PAIP1: variants seen among roughly 807,000 people sequenced by gnomAD.
PAIP1 encodes poly(A) binding protein interacting protein 1.
In PAIP1, 16 loss-of-function variants were observed where a neutral mutation model predicts 61.3. The ratio of observed to expected loss-of-function variants is 0.26; its 90% CI spans 0.18 to 0.40. The LOEUF (loss-of-function observed/expected upper bound fraction) is 0.40. PAIP1 is among the 10% of genes least tolerant of loss of function. The probability of loss-of-function intolerance (pLI) is 1.00; values close to 1 mark genes in which losing one functional copy is unlikely to be tolerated. For synonymous variants in PAIP1, 187 were observed against 226.2 expected (o/e 0.83, Z 1.56); for missense variants, 416 against 600.9 (o/e 0.69, Z 3.22).
chr5:43,538,550 G>A (rs1747249899), intron 5 of PAIP1, among the ~76,000 whole-genome samples: 1 of 152,260 alleles, frequency 6.6e-6, no homozygotes, highest in Non-Finnish European at 1.5e-5. Flanking sequence ...TCAGAGTTCT[G>A]CAGAGTAAAC....
At chr5:43,535,471 A>C in intron 7 of PAIP1, 63 bp downstream of exon 7, 3 of 894,380 alleles carry the variant, frequency 3.4e-6, no homozygotes, top group Non-Finnish European at 3.7e-6. Flanking sequence ...ATTAAAAAAC[A>C]ATCTCCAAAG....
intron 2 of PAIP1, among the ~76,000 whole-genome samples, chr5:43,549,743 G>A (rs1392133152): frequency 6.7e-6 from 1 of 149,950 alleles, no homozygotes; most frequent in African/African-American, 2.5e-5. Context: ...TTTTTGAGAT[G>A]GAGTCTCGCT....
At chr5:43,556,424 C>T in intron 1 of PAIP1, 158 bp downstream of exon 1, 2 of 1,219,012 alleles carry the variant, frequency 1.6e-6, no homozygotes, top group Non-Finnish European at 2.0e-6. Context: ...AAACCCGGTT[C>T]CGGGCCCGTC....
At chr5:43,536,153 T>C (rs1747145310) in intron 6 of PAIP1, among the ~76,000 whole-genome samples, 1 of 152,194 alleles carries the variant, frequency 6.6e-6, no homozygotes, top group Non-Finnish European at 1.5e-5. Flanking sequence ...ACTATAAGGA[T>C]GTAGGAAGAG....
At position 43,538,983 on chromosome 5, in the gene PAIP1, T is replaced by C; in HGVS notation, c.787A>G (p.Thr263Ala). The change falls in exon 5 of 11, where the codon ACT (threonine) becomes GCT (alanine). Residue 263 changes from threonine to alanine, a missense_variant. Transcript: ENST00000306846. ...ACAAATGCATGAAATCGTTTTCGAG[T>C]AACTTCATCCCCTTTTGCAGCTTGA... ...KDQAAKGDEV[T>A]RKRFHAFVLF... is the part of the protein sequence containing the mutation. The C allele has an allele frequency of 1.9e-6, 3 of 1,612,014 alleles. No homozygotes were observed. Among genetic ancestry groups the C allele is most frequent in the Non-Finnish European group, 2.5e-6 (3 of 1,178,914 alleles).
In PAIP1 at chr5:43,551,737, T is replaced by C. The variant is rs192264837; in HGVS notation, c.436-3824A>G. On this transcript the variant is annotated intron_variant, in intron 2 of 10. Coordinates refer to ENST00000306846, the MANE Select transcript of PAIP1 (RefSeq NM_006451.5). ...GCAAAAATGCTGCTTAGAGCGCTGATTTGCAATCTTTTTTTTTTTTTTTTT... is the reference window on the plus strand; with the variant it reads ...GCAAAAATGCTGCTTAGAGCGCTGACTTGCAATCTTTTTTTTTTTTTTTTT... Among the ~76,000 whole-genome samples, 1,016 of 126,254 alleles carry C rather than the reference T, an allele frequency of 8.0e-3. 43 individuals are homozygous for C. Among genetic ancestry groups the C allele is most frequent in the Admixed American group, 0.074 (953 of 12,862 alleles). The allele number at this position is 126,254 out of a possible 152,430, so 82.8% of individuals were successfully genotyped here.
chr5:43,544,670 G>A (rs1036697137), intron 3 of PAIP1, among the ~76,000 whole-genome samples: 33 of 152,150 alleles, frequency 2.2e-4, no homozygotes, highest in African/African-American at 7.7e-4. Context: ...CAGAAAATAT[G>A]AGTGTCCACA....
intron 2 of PAIP1, among the ~76,000 whole-genome samples, chr5:43,551,745 CT>C (rs10640960): frequency 0.064 from 9,135 of 142,882 alleles, 328 homozygotes; most frequent in East Asian, 0.15. Flanking sequence ...GATTTGCAAT[CT>C]TTTTTTTTTT....
At chr5:43,542,405 G>A (rs1463285231) in intron 4 of PAIP1, among the ~76,000 whole-genome samples, 1 of 151,094 alleles carries the variant, frequency 6.6e-6, no homozygotes, top group African/African-American at 2.4e-5. Flanking sequence ...GGTGGCGGGT[G>A]CCTGTAGTCC....
At chr5:43,539,765 C>T (rs1409283797) in intron 4 of PAIP1, among the ~76,000 whole-genome samples, 5 of 152,270 alleles carry the variant, frequency 3.3e-5, no homozygotes, top group South Asian at 4.1e-4. Flanking sequence ...ATAGTTCCTA[C>T]AAGGTAACTA....
chr5:43,531,099 G>A (rs955658917), intron 9 of PAIP1, among the ~76,000 whole-genome samples: 5 of 152,066 alleles, frequency 3.3e-5, no homozygotes, highest in African/African-American at 1.2e-4. Flanking sequence ...CCTGGGTTTG[G>A]AATAGGGACA....
chr5:43,535,592 C>G lies in PAIP1; in HGVS notation c.1021G>C (p.Asp341His), dbSNP rs1296216167. 4 of 1,606,328 alleles carry G rather than the reference C, an allele frequency of 2.5e-6. No homozygotes were observed. Among genetic ancestry groups the G allele is most frequent in the Non-Finnish European group, 3.4e-6 (4 of 1,174,114 alleles). The change falls in exon 7 of 11, where the codon GAT (aspartate) becomes CAT (histidine). Residue 341 changes from aspartate to histidine, a missense_variant. By Grantham distance (81) the Asp-to-His change is moderately conservative. Coordinates refer to ENST00000306846, the MANE Select transcript of PAIP1 (RefSeq NM_006451.5). ...EDAWKEKGKM[D>H]MEEIIQRIEN... Reference sequence around the variant, plus strand: ...ATTCTCTGAATAATTTCTTCCATATCCATCTTTCCTTTTTCCTTCCAAGCA... The same window carrying G: ...ATTCTCTGAATAATTTCTTCCATATGCATCTTTCCTTTTTCCTTCCAAGCA...
At chr5:43,545,774 ATT>A (rs761073861) in intron 3 of PAIP1, among the ~76,000 whole-genome samples, 18 of 142,162 alleles carry the variant, frequency 1.3e-4, no homozygotes, top group Non-Finnish European at 1.4e-4. Flanking sequence ...TTAATCTGTC[ATT>A]TTTTTTTTTT....
intron 1 of PAIP1, 95 bp from the exon 2 acceptor site, chr5:43,556,094 T>TA: frequency 6.7e-7 from 1 of 1,487,508 alleles, no homozygotes; most frequent in Non-Finnish European, 9.0e-7. Flanking sequence ...GCGTCTGTTT[T>TA]TAAGAGTTAA....
rs989739305 is a variant in PAIP1 at position 43,536,912 on chromosome 5, T to C, written c.879A>G (p.Ala293=). The C allele has an allele frequency of 5.7e-6, 9 of 1,591,920 alleles. No homozygotes were observed. The Admixed American group carries it at 1.6e-4, about 28-fold the overall frequency. Residue 293 remains alanine, a synonymous_variant, in exon 6 of 11, where the codon GCA becomes GCG. Coordinates refer to ENST00000306846, the MANE Select transcript of PAIP1 (RefSeq NM_006451.5). ...CTCGAAGACCAACCTGAAGAATATC[T>C]GCTCTTGTAACCTGTCCATTTGTTC... ...IKGTNGQVTR[A]DILQVGLREL...
intron 9 of PAIP1, among the ~76,000 whole-genome samples, chr5:43,531,656 C>CAAAAAAAAAAAAAAAA (rs369954867): frequency 9.9e-4 from 59 of 59,850 alleles, no homozygotes; most frequent in Non-Finnish European, 1.4e-3. Context: ...GACTCTGTCT[C>CAAAAAAAAAAAAAAAA]AAAAAAAAAA....
rs148659035 is a variant in PAIP1 at position 43,547,594 on chromosome 5, A to C, written c.621+134T>G. On this transcript the variant is annotated intron_variant, in intron 3 of 10. Coordinates refer to ENST00000306846, the MANE Select transcript of PAIP1 (RefSeq NM_006451.5). The stretch of plus-strand genomic sequence containing the variant: ...TAGGAGTTTTATACAAGACAGACTT[A>C]GAACTCCCGGAAACTATAAAGAGTA... 25 of 618,388 alleles carry C rather than the reference A, an allele frequency of 4.0e-5. No homozygotes were observed. The East Asian group carries it at 6.9e-4, about 17-fold the overall frequency. 38.3% of individuals were successfully genotyped at this position (618,388 alleles called of 1,614,324 possible). A position where few individuals can be genotyped will look rare whatever the true frequency, so the allele number is the denominator to read the frequency against.
chr5:43,556,759 C>A lies in PAIP1; in HGVS notation c.88G>T (p.Gly30Cys). The A allele has an allele frequency of 7.0e-7, 1 of 1,419,040 alleles. No homozygotes were observed. Among genetic ancestry groups the A allele is most frequent in the Non-Finnish European group, 9.2e-7 (1 of 1,090,226 alleles). The allele number at this position is 1,419,040 out of a possible 1,614,324, so 87.9% of individuals were successfully genotyped here. A position where few individuals can be genotyped will look rare whatever the true frequency, so the allele number is the denominator to read the frequency against. ...GRGGGGPEGG[G>C]FPNGAGPAER... Reference sequence around the variant, plus strand: ...GCAGGCCCCGCTCCGTTCGGGAAACCGCCGCCCTCAGGCCCGCCCCCTCCG... The same window carrying A: ...GCAGGCCCCGCTCCGTTCGGGAAACAGCCGCCCTCAGGCCCGCCCCCTCCG... Residue 30 changes from glycine (G) to cysteine (C), a missense_variant, in exon 1 of 11, where the codon GGT (glycine) becomes TGT (cysteine). Physicochemically the swap from Gly to Cys is radical, Grantham distance 159. This residue lies in a region of PAIP1 where 97 missense variants were observed against 89.5 expected (regional missense o/e 1.08). Coordinates refer to ENST00000306846, the MANE Select transcript of PAIP1 (RefSeq NM_006451.5).
chr5:43,543,239 T>C, intron 3 of PAIP1, 123 bp from the exon 4 acceptor site: 1 of 439,356 alleles, frequency 2.3e-6, no homozygotes, highest in Non-Finnish European at 4.2e-6. Context: ...ACAAGTCTTT[T>C]GTCATTGTTA....
Sources: gnomAD v4.1 joint callset for allele counts (sites outside exome capture counted in the v4.1 genomes callset) on GRCh38, gnomAD v4.1.1 for gene constraint, gnomAD v4.1.1 regional missense constraint, MANE v1.5 for transcripts, NCBI Gene and HGNC (gene_info 2026-07-23, HGNC 2026-07-21) for gene names.